The following NEGR1 variants were observed in gnomAD, a reference collection of about 807,000 sequenced individuals.
The protein encoded by NEGR1 is IgLON family member 4.
Under a neutral mutation model 40.9 loss-of-function variants are expected in NEGR1, and 10 were observed. That is an observed-to-expected ratio of 0.24 (90% confidence interval 0.15 to 0.42). The LOEUF (loss-of-function observed/expected upper bound fraction) is 0.42, where lower values mean the gene tolerates loss of function less well. Among genes scored for constraint, NEGR1 ranks in the 10% least tolerant of loss-of-function variants. The probability of loss-of-function intolerance (pLI) is 1.00; values close to 1 mark genes in which losing one functional copy is unlikely to be tolerated. For missense variants in NEGR1, 352 were observed against 438.9 expected (o/e 0.80, Z 1.77); for synonymous variants, 185 against 166.8 (o/e 1.11, Z -0.84).
intron 6 of NEGR1, among the ~76,000 whole-genome samples, chr1:71,577,145 A>ATTTAATAGTAATGAATTTTTTAGT (rs1266280252): frequency 6.6e-6 from 1 of 152,196 alleles, no homozygotes; most frequent in African/African-American, 2.4e-5. Flanking sequence ...TTCAAGTCTC[A>ATTTAATAGTAATGAATTTTTTAGT]AAGGATTTTA....
chr1:72,017,109 C>CAT (rs1019664112), intron 1 of NEGR1, among the ~76,000 whole-genome samples: 2 of 145,784 alleles, frequency 1.4e-5, no homozygotes, highest in South Asian at 2.3e-4. Context: ...ATAATACACA[C>CAT]ATATATATAC....
intron 2 of NEGR1, among the ~76,000 whole-genome samples, chr1:71,782,838 C>G (rs1449427048): frequency 6.6e-6 from 1 of 152,108 alleles, no homozygotes; most frequent in East Asian, 1.9e-4. Flanking sequence ...ATTCCTCTAA[C>G]TCATTTAGAA....
At chr1:71,792,708 A>C (rs1290361142) in intron 2 of NEGR1, among the ~76,000 whole-genome samples, 1 of 152,158 alleles carries the variant, frequency 6.6e-6, no homozygotes, top group Non-Finnish European at 1.5e-5. Flanking sequence ...ATACTGTGCT[A>C]GGATTTTAAT....
chr1:71,946,323 A>G (rs1257363083), intron 1 of NEGR1, among the ~76,000 whole-genome samples: 1 of 151,946 alleles, frequency 6.6e-6, no homozygotes, highest in Non-Finnish European at 1.5e-5. Flanking sequence ...TCTTGCTTGT[A>G]TGGTTCATAT....
At position 72,187,924 on chromosome 1, in the gene NEGR1, T is replaced by G. The variant is rs115659559; in HGVS notation, c.176+94395A>C. On this transcript the variant is annotated intron_variant, in intron 1 of 6. Coordinates refer to ENST00000357731, the MANE Select transcript of NEGR1 (RefSeq NM_173808.3). ...ACAATCTTAATTACTATGATACACT[T>G]TCTTAACTTACATGTATGATTCATG... Among the ~76,000 whole-genome samples, 1,134 of 151,526 alleles carry G rather than the reference T, an allele frequency of 7.5e-3. 16 individuals are homozygous for G. Among genetic ancestry groups the G allele is most frequent in the African/African-American group, 0.026 (1,093 of 41,462 alleles).
intron 1 of NEGR1, among the ~76,000 whole-genome samples, chr1:71,962,072 G>T (rs970022700): frequency 6.6e-6 from 1 of 151,956 alleles, no homozygotes; most frequent in African/African-American, 2.4e-5. Flanking sequence ...CAAGTATAAA[G>T]TAATGCTTTC....
At chr1:71,508,050 A>G (rs562204947) in intron 6 of NEGR1, among the ~76,000 whole-genome samples, 2 of 152,300 alleles carry the variant, frequency 1.3e-5, no homozygotes, top group South Asian at 2.1e-4. Context: ...ATGGAAACCA[A>G]GAATCAATTT....
chr1:72,155,797 A>T (rs1394430550), intron 1 of NEGR1, among the ~76,000 whole-genome samples: 1 of 152,142 alleles, frequency 6.6e-6, no homozygotes, highest in African/African-American at 2.4e-5. Flanking sequence ...TACTTCACAG[A>T]CACTGAATGT....
intron 3 of NEGR1, among the ~76,000 whole-genome samples, chr1:71,725,258 T>C (rs1654632770): frequency 6.6e-6 from 1 of 152,156 alleles, no homozygotes; most frequent in Non-Finnish European, 1.5e-5. Flanking sequence ...CTAGAAACAG[T>C]AGAACTAATA....
chr1:72,035,788 T>G lies in NEGR1; in HGVS notation c.177-100477A>C, dbSNP rs545530484. Among the ~76,000 whole-genome samples, 15 of 152,318 alleles carry G rather than the reference T, an allele frequency of 9.8e-5. No homozygotes were observed. In the South Asian group the frequency reaches 2.7e-3, roughly 27 times the overall value. ...TCATTAAATCTGCACAAAAACTCAATGAGTTTAGGTCTTTTTACAGCCCCA... is the reference window on the plus strand; with the variant it reads ...TCATTAAATCTGCACAAAAACTCAAGGAGTTTAGGTCTTTTTACAGCCCCA... On this transcript the variant is annotated intron_variant, in intron 1 of 6. Coordinates refer to ENST00000357731, the MANE Select transcript of NEGR1 (RefSeq NM_173808.3).
chr1:71,573,576 G>T (rs568830699), intron 6 of NEGR1: 1 of 152,064 alleles, frequency 6.6e-6, no homozygotes, highest in East Asian at 1.9e-4. Context: ...ACTTTGATGT[G>T]GCTTCTCTTG....
chr1:71,719,944 T>A (rs1485425386), intron 3 of NEGR1, among the ~76,000 whole-genome samples: 1 of 152,114 alleles, frequency 6.6e-6, no homozygotes, highest in Non-Finnish European at 1.5e-5. Flanking sequence ...TAAGAGTGCA[T>A]GTACTCAACA....
rs1649836745 is a variant in NEGR1, at chr1:72,122,396, T to C, written c.176+159923A>G. Among the ~76,000 whole-genome samples the C allele has an allele frequency of 2.0e-5, 3 of 152,082 alleles. No homozygotes were observed. The South Asian group carries it at 6.2e-4, about 32-fold the overall frequency. On this transcript the variant is annotated intron_variant, in intron 1 of 6. Coordinates refer to ENST00000357731, the MANE Select transcript of NEGR1 (RefSeq NM_173808.3). ...TGCAAGAACATGTACAAATACGCGA[T>C]TTCATATTTGGCAAAAAAAACTTGT...
intron 3 of NEGR1, among the ~76,000 whole-genome samples, chr1:71,742,664 T>C (rs1462567902): frequency 6.6e-6 from 1 of 152,120 alleles, no homozygotes. Context: ...CATGGGCTCA[T>C]AGCTGGAGGG....
intron 1 of NEGR1, among the ~76,000 whole-genome samples, chr1:72,067,087 A>T (rs191036841): frequency 6.6e-6 from 1 of 152,086 alleles, no homozygotes; most frequent in East Asian, 1.9e-4. Flanking sequence ...AGAGGTAAAG[A>T]TCTACCTTTC....
chr1:71,678,177 T>C (rs1009022820), intron 4 of NEGR1, among the ~76,000 whole-genome samples: 1 of 152,170 alleles, frequency 6.6e-6, no homozygotes, highest in Non-Finnish European at 1.5e-5. Context: ...ATTGTACTTA[T>C]ACTACAAGGA....
In NEGR1 at chr1:72,134,201, CG is replaced by C. The variant is rs1336475331; in HGVS notation, c.176+148117del. ...ATGATGATTATTTTGGGGGGAAATA[CG>C]TTTTTTTTTTCTTTTTTTTTTTTTG... On this transcript the variant is annotated intron_variant, in intron 1 of 6. Coordinates refer to ENST00000357731, the MANE Select transcript of NEGR1 (RefSeq NM_173808.3). Among the ~76,000 whole-genome samples the C allele has an allele frequency of 4.0e-5, 6 of 149,610 alleles. No homozygotes were observed. In the East Asian group the frequency reaches 9.8e-4, roughly 24 times the overall value.
chr1:72,104,876 A>G (rs1202937452), intron 1 of NEGR1, among the ~76,000 whole-genome samples: 1 of 152,178 alleles, frequency 6.6e-6, no homozygotes, highest in Non-Finnish European at 1.5e-5. Context: ...TAAGAATGTA[A>G]CTCTAAAAGT....
At chr1:72,216,285 G>A (rs1474678555) in intron 1 of NEGR1, among the ~76,000 whole-genome samples, 2 of 149,902 alleles carry the variant, frequency 1.3e-5, no homozygotes, top group African/African-American at 4.9e-5. Context: ...ATGATGGGTT[G>A]ACAGGTTCAG....
Sources: gnomAD v4.1 joint callset for allele counts (sites outside exome capture counted in the v4.1 genomes callset) on GRCh38, gnomAD v4.1.1 for gene constraint, MANE v1.5 for transcripts, NCBI Gene and HGNC (gene_info 2026-07-23, HGNC 2026-07-21) for gene names.